The following ERICH6 variants were observed in gnomAD, a reference collection of about 807,000 sequenced individuals.
The protein encoded by ERICH6 is glutamate-rich protein 6.
In ERICH6, 71 loss-of-function variants were observed where a neutral mutation model predicts 71.0. The observed-to-expected ratio is 1.00, with a 90% CI of 0.83 to 1.22. ERICH6 has a LOEUF of 1.22. Among genes scored for constraint, ERICH6 ranks in the 50% most tolerant of loss-of-function variants. The probability of loss-of-function intolerance (pLI) is 0.00; values close to 1 mark genes in which losing one functional copy is unlikely to be tolerated. For missense variants in ERICH6, 808 were observed against 797.2 expected (o/e 1.01, Z -0.16); for synonymous variants, 262 against 278.4 (o/e 0.94, Z 0.59).
At chr3:150,700,028 C>T (rs989163413) in intron 2 of ERICH6, among the ~76,000 whole-genome samples, 29 of 151,664 alleles carry the variant, frequency 1.9e-4, no homozygotes, top group African/African-American at 7.0e-4. Flanking sequence ...ACTGGTGAGG[C>T]AGTATTGGCT....
rs1450609606 is a variant in ERICH6 at position 150,678,559 on chromosome 3, T to A, written c.1112-5A>T. The A allele has an allele frequency of 3.2e-6, 5 of 1,586,632 alleles. No individual in the cohort carries two copies. Among genetic ancestry groups the A allele is most frequent in the Non-Finnish European group, 4.3e-6 (5 of 1,172,578 alleles). On this transcript the variant is annotated splice_region_variant and splice_polypyrimidine_tract_variant and intron_variant, in intron 9 of 13. Coordinates refer to ENST00000295910, the MANE Select transcript of ERICH6 (RefSeq NM_152394.5). The stretch of plus-strand genomic sequence containing the variant: ...TTGTTTTTAAGCGCTTTGAATCTAG[T>A]GGGAAAAGAATCACATAGAAATACA...
intron 9 of ERICH6, among the ~76,000 whole-genome samples, chr3:150,679,889 C>T (rs1291456111): frequency 1.3e-5 from 2 of 152,218 alleles, no homozygotes; most frequent in African/African-American, 4.8e-5. Context: ...AACTCCTGAC[C>T]TCAGGCGATC....
chr3:150,698,801 T>A lies in ERICH6; in HGVS notation c.543A>T (p.Lys181Asn). The A allele has an allele frequency of 2.5e-6, 4 of 1,613,616 alleles. No individual in the cohort carries two copies. Among genetic ancestry groups the A allele is most frequent in the Non-Finnish European group, 3.4e-6 (4 of 1,179,620 alleles). Reference protein sequence around the residue: ...EESWLQDLSDKVQSRKKASKE... With the variant: ...EESWLQDLSDNVQSRKKASKE... ...AATCAAACTACTCACTCGATTGCAC[T>A]TTATCAGACAAATCTTGGAGCCAAC... The change falls in exon 3 of 14, where the codon AAA becomes AAT. Residue 181 changes from lysine (K) to asparagine (N), a missense_variant. Transcript: ENST00000295910.
At chr3:150,680,365 G>A in intron 9 of ERICH6, 103 bp downstream of exon 9, 3 of 1,219,630 alleles carry the variant, frequency 2.5e-6, no homozygotes, top group South Asian at 2.6e-5. Context: ...ACTGCACCTG[G>A]CCAATACTAT....
chr3:150,680,569 C>A (rs1171460751), intron 8 of ERICH6, 31 bp from the exon 9 acceptor site: 1 of 1,612,912 alleles, frequency 6.2e-7, no homozygotes, highest in Non-Finnish European at 8.5e-7. Flanking sequence ...AGGCATAAAT[C>A]TGAAATGTGG....
At chr3:150,695,998 G>C (rs1335926836) in intron 3 of ERICH6, among the ~76,000 whole-genome samples, 1 of 151,708 alleles carries the variant, frequency 6.6e-6, no homozygotes, top group Non-Finnish European at 1.5e-5. Context: ...ATAATATTTT[G>C]AAAAAGAATA....
rs1216543749 is a variant in ERICH6 at position 150,701,227 on chromosome 3, TA to T, written c.461+893del. On this transcript the variant is annotated intron_variant, in intron 2 of 13. Transcript: ENST00000295910. ...ATTTTTCATTATAGTCAATAGATAC[TA>T]AAATTGATGAATCAAGAAGTAGAGG... is the stretch of plus-strand genomic sequence containing the variant. Among the ~76,000 whole-genome samples, 3 of 152,250 alleles carry T rather than the reference TA, an allele frequency of 2.0e-5. No individual in the cohort carries two copies. In the East Asian group the frequency reaches 5.8e-4, roughly 29 times the overall value.
chr3:150,665,734 G>C (rs1397764433), intron 13 of ERICH6, among the ~76,000 whole-genome samples: 1 of 149,596 alleles, frequency 6.7e-6, no homozygotes, highest in Non-Finnish European at 1.5e-5. Flanking sequence ...CGGTGAGGCA[G>C]GAAGAATTGC....
chr3:150,691,006 C>G (rs1454921018), intron 3 of ERICH6, among the ~76,000 whole-genome samples: 3 of 152,150 alleles, frequency 2.0e-5, no homozygotes, highest in Non-Finnish European at 4.4e-5. Flanking sequence ...AAGCTAAACT[C>G]TAAACTAATT....
At position 150,679,831 on chromosome 3, in the gene ERICH6, T is replaced by C. The variant is rs1711825366; in HGVS notation, c.1111+637A>G. Among the ~76,000 whole-genome samples, 3 of 152,310 alleles carry C rather than the reference T, an allele frequency of 2.0e-5. No homozygotes were observed. In the East Asian group the frequency reaches 5.8e-4, roughly 29 times the overall value. On this transcript the variant is annotated intron_variant, in intron 9 of 13. Coordinates refer to ENST00000295910, the MANE Select transcript of ERICH6 (RefSeq NM_152394.5). ...TGCCACCATGCCCAGCTAATTTTTGTATTTTTAGTAGAGATGGGGTTTCAC... is the reference window on the plus strand; with the variant it reads ...TGCCACCATGCCCAGCTAATTTTTGCATTTTTAGTAGAGATGGGGTTTCAC...
At chr3:150,701,440 T>C in intron 2 of ERICH6, among the ~76,000 whole-genome samples, 1 of 152,180 alleles carries the variant, frequency 6.6e-6, no homozygotes, top group East Asian at 1.9e-4. Flanking sequence ...GAGATTTTCA[T>C]TTTTATACCT....
At chr3:150,662,182 G>T (rs1242907744) in intron 13 of ERICH6, among the ~76,000 whole-genome samples, 1 of 152,156 alleles carries the variant, frequency 6.6e-6, no homozygotes. Flanking sequence ...ATACACTAGG[G>T]CGCGTAATGG....
chr3:150,678,889 A>C (rs991790917), intron 9 of ERICH6, among the ~76,000 whole-genome samples: 1 of 151,992 alleles, frequency 6.6e-6, no homozygotes, highest in African/African-American at 2.4e-5. Flanking sequence ...AAAAATACAA[A>C]CATTAACTGG....
At chr3:150,699,725 A>AC (rs931086471) in intron 2 of ERICH6, among the ~76,000 whole-genome samples, 9 of 134,384 alleles carry the variant, frequency 6.7e-5, no homozygotes, top group African/African-American at 1.9e-4. Flanking sequence ...GATAAAAACA[A>AC]AAAAAAAAAA....
chr3:150,671,913 G>T (rs894838572), intron 11 of ERICH6, among the ~76,000 whole-genome samples: 1 of 152,050 alleles, frequency 6.6e-6, no homozygotes, highest in African/African-American at 2.4e-5. Flanking sequence ...TATAGGCATG[G>T]GTCACCATGC....
intron 8 of ERICH6, 40 bp from the exon 9 acceptor site, chr3:150,680,578 G>C: frequency 6.2e-7 from 1 of 1,609,588 alleles, no homozygotes; most frequent in Non-Finnish European, 8.5e-7. Flanking sequence ...TCTGAAATGT[G>C]GTTGAAGCTT....
chr3:150,675,687 A>T (rs369188625), intron 10 of ERICH6, among the ~76,000 whole-genome samples: 1 of 151,348 alleles, frequency 6.6e-6, no homozygotes, highest in Non-Finnish European at 1.5e-5. Flanking sequence ...AACTGGGTAT[A>T]GAATTCTAGA....
chr3:150,669,317 T>C lies in ERICH6; in HGVS notation c.1478A>G (p.Tyr493Cys), dbSNP rs534216030. The C allele has an allele frequency of 9.9e-6, 16 of 1,610,306 alleles. No individual in the cohort carries two copies. Among genetic ancestry groups the C allele is most frequent in the African/African-American group, 1.3e-5 (1 of 74,924 alleles). The change falls in exon 12 of 14, where the codon TAT becomes TGT. Residue 493 changes from tyrosine to cysteine, a missense_variant. Tyr to Cys is a radical substitution (Grantham distance 194). Coordinates refer to ENST00000295910, the MANE Select transcript of ERICH6 (RefSeq NM_152394.5). ...VLDSSGRSSC[Y>C]HPNGNVWVYI... is the part of the protein sequence containing the mutation. Reference sequence around the variant, plus strand: ...TTACCAGACATTTCCATTGGGATGATAGCAGGAACTTCTGCCAGAGGAATC... The same window carrying C: ...TTACCAGACATTTCCATTGGGATGACAGCAGGAACTTCTGCCAGAGGAATC...
At chr3:150,663,286 T>G (rs1004150223) in intron 13 of ERICH6, among the ~76,000 whole-genome samples, 1 of 152,144 alleles carries the variant, frequency 6.6e-6, no homozygotes, top group Non-Finnish European at 1.5e-5. Context: ...GGAGGTATTT[T>G]GGAGGTAGAG....
Sources: gnomAD v4.1 joint callset for allele counts (sites outside exome capture counted in the v4.1 genomes callset) on GRCh38, gnomAD v4.1.1 for gene constraint, MANE v1.5 for transcripts, NCBI Gene and HGNC (gene_info 2026-07-23, HGNC 2026-07-21) for gene names.